HDAC9: variants seen among roughly 807,000 people sequenced by gnomAD.
HDAC9 encodes the protein MEF-2 interacting transcription repressor (MITR) protein.
Under a neutral mutation model 139.4 loss-of-function variants are expected in HDAC9, and 41 were observed. The ratio of observed to expected loss-of-function variants is 0.29; its 90% CI spans 0.23 to 0.38. The LOEUF (loss-of-function observed/expected upper bound fraction) is 0.38, where lower values mean the gene tolerates loss of function less well. Ranked by LOEUF, HDAC9 falls within the 10% of genes least tolerant of loss-of-function variation. The pLI, the probability that HDAC9 is intolerant of heterozygous loss-of-function variation, is 1.00. For missense variants in HDAC9, 1,147 were observed against 1,297.0 expected (o/e 0.88, Z 1.78); for synonymous variants, 517 against 476.2 (o/e 1.09, Z -1.12).
chr7:18,703,846 G>A (rs1274497953), intron 12 of HDAC9, among the ~76,000 whole-genome samples: 1 of 151,922 alleles, frequency 6.6e-6, no homozygotes, highest in Non-Finnish European at 1.5e-5. Context: ...GAACTGGGTT[G>A]GCTCCTCTGT....
intron 2 of HDAC9, among the ~76,000 whole-genome samples, chr7:18,190,955 C>G (rs1248489557): frequency 1.3e-5 from 2 of 152,204 alleles, no homozygotes; most frequent in Admixed American, 6.5e-5. Flanking sequence ...TTCCCTATCA[C>G]CAATAAATAC....
chr7:18,359,763 C>T (rs893033750), intron 1 of HDAC9, among the ~76,000 whole-genome samples: 2 of 152,130 alleles, frequency 1.3e-5, no homozygotes, highest in South Asian at 4.1e-4. Flanking sequence ...CACGCACCAC[C>T]GTGCCCAGCT....
At chr7:18,163,567 C>T (rs1408941325) in intron 2 of HDAC9, among the ~76,000 whole-genome samples, 1 of 152,134 alleles carries the variant, frequency 6.6e-6, no homozygotes, top group Non-Finnish European at 1.5e-5. Flanking sequence ...GGGGACCACA[C>T]TTTGGGAATC....
intron 22 of HDAC9, among the ~76,000 whole-genome samples, chr7:18,898,765 T>C (rs2129277833): frequency 6.6e-6 from 1 of 151,996 alleles, no homozygotes; most frequent in Admixed American, 6.6e-5. Flanking sequence ...ATTTAGTTGA[T>C]TGGTGTGACA....
chr7:18,594,912 C>G (rs1265164048), intron 6 of HDAC9, among the ~76,000 whole-genome samples: 1 of 151,966 alleles, frequency 6.6e-6, no homozygotes, highest in African/African-American at 2.4e-5. Context: ...GTATTTGACT[C>G]AGATCTACTT....
intron 1 of HDAC9, among the ~76,000 whole-genome samples, chr7:18,447,105 T>C (rs1375608741): frequency 1.3e-5 from 2 of 152,274 alleles, no homozygotes; most frequent in Non-Finnish European, 2.9e-5. Context: ...GTCTTTAAAA[T>C]AATGGAAATA....
intron 1 of HDAC9, among the ~76,000 whole-genome samples, chr7:18,390,954 T>C (rs531400211): frequency 6.7e-4 from 102 of 152,112 alleles, no homozygotes; most frequent in Non-Finnish European, 1.3e-3. Flanking sequence ...CCAGGCATGG[T>C]GGCACACACC....
At chr7:18,817,454 A>G (rs1794658423) in intron 17 of HDAC9, among the ~76,000 whole-genome samples, 2 of 152,230 alleles carry the variant, frequency 1.3e-5, no homozygotes. Flanking sequence ...TGCTTGAAGC[A>G]GTGATTTTCC....
At chr7:18,389,986 AGTT>A (rs577962673) in intron 1 of HDAC9, among the ~76,000 whole-genome samples, 189 of 150,662 alleles carry the variant, frequency 1.3e-3, no homozygotes, top group Non-Finnish European at 2.0e-3. Context: ...CAATTAGTGT[AGTT>A]GTTCTGAAAA....
At chr7:18,863,471 A>G (rs926945097) in intron 21 of HDAC9, among the ~76,000 whole-genome samples, 4 of 152,152 alleles carry the variant, frequency 2.6e-5, no homozygotes, top group African/African-American at 9.7e-5. Context: ...TTCATCAGCT[A>G]TTGTTAGTGT....
At chr7:18,166,249 C>G (rs181899786) in intron 2 of HDAC9, among the ~76,000 whole-genome samples, 49 of 152,282 alleles carry the variant, frequency 3.2e-4, no homozygotes, top group African/African-American at 1.2e-3. Context: ...TTGCAAAGTC[C>G]TGTAACATTA....
intron 16 of HDAC9, among the ~76,000 whole-genome samples, chr7:18,772,281 C>A (rs1260371804): frequency 1.3e-5 from 2 of 152,022 alleles, no homozygotes; most frequent in Non-Finnish European, 1.5e-5. Flanking sequence ...GTATTTCTGA[C>A]AATTGCACCA....
chr7:18,433,453 A>G (rs548617225), intron 1 of HDAC9, among the ~76,000 whole-genome samples: 3 of 152,306 alleles, frequency 2.0e-5, no homozygotes, highest in Admixed American at 1.3e-4. Context: ...AAGTCAAACT[A>G]TCTCTGTTTG....
At chr7:18,748,905 A>G (rs1788210403) in intron 13 of HDAC9, 100 bp from the exon 14 acceptor site, 2 of 1,116,014 alleles carry the variant, frequency 1.8e-6, no homozygotes, top group Admixed American at 2.6e-5. Context: ...AATTTATTTT[A>G]AGAATAATGA....
At chr7:18,370,389 T>C (rs550778212) in intron 1 of HDAC9, among the ~76,000 whole-genome samples, 2 of 152,234 alleles carry the variant, frequency 1.3e-5, no homozygotes, top group South Asian at 4.1e-4. Flanking sequence ...ATTTAGAGGG[T>C]GGCTGGAAAT....
intron 23 of HDAC9, among the ~76,000 whole-genome samples, chr7:18,939,417 A>T (rs1214864277): frequency 6.6e-6 from 1 of 152,232 alleles, no homozygotes; most frequent in Non-Finnish European, 1.5e-5. Context: ...TTAAAGAAAA[A>T]TACAAATGTG....
intron 1 of HDAC9, among the ~76,000 whole-genome samples, chr7:18,413,276 A>G (rs552807767): frequency 6.6e-6 from 1 of 152,278 alleles, no homozygotes; most frequent in Admixed American, 6.5e-5. Context: ...ATTTGAGGAA[A>G]GAGTATGTGA....
chr7:18,683,118 T>C (rs1007316000), intron 12 of HDAC9, among the ~76,000 whole-genome samples: 1 of 151,984 alleles, frequency 6.6e-6, no homozygotes, highest in Admixed American at 6.6e-5. Flanking sequence ...TTCTTTTTTT[T>C]ACAAAAAACG....
intron 2 of HDAC9, among the ~76,000 whole-genome samples, chr7:18,231,836 T>G (rs1793481307): frequency 6.6e-6 from 1 of 152,210 alleles, no homozygotes. Flanking sequence ...TACTACTCGA[T>G]TTGAGTGTAA....
Sources: gnomAD v4.1 joint callset for allele counts (sites outside exome capture counted in the v4.1 genomes callset) on GRCh38, gnomAD v4.1.1 for gene constraint, MANE v1.5 for transcripts, NCBI Gene and HGNC (gene_info 2026-07-23, HGNC 2026-07-21) for gene names.